ATP13A4: variants seen among roughly 807,000 people sequenced by gnomAD.
ATP13A4 encodes the protein probable cation-transporting ATPase 13A4.
Under a neutral mutation model 142.5 loss-of-function variants are expected in ATP13A4, and 114 were observed. The ratio of observed to expected loss-of-function variants is 0.80; its 90% CI spans 0.69 to 0.93. The LOEUF is 0.93. Ranked by LOEUF, ATP13A4 falls within the 40% of genes least tolerant of loss-of-function variation. The pLI is 0.00. For synonymous variants in ATP13A4, 488 were observed against 514.8 expected (o/e 0.95, Z 0.70); for missense variants, 1,392 against 1,454.0 (o/e 0.96, Z 0.69).
At chr3:193,491,727 T>C (rs190430299) in intron 5 of ATP13A4, among the ~76,000 whole-genome samples, 1 of 152,280 alleles carries the variant, frequency 6.6e-6, no homozygotes, top group Non-Finnish European at 1.5e-5. Context: ...ACTCTGTCTC[T>C]CCTCAATTCC....
rs937502950 is a variant in ATP13A4, at chr3:193,566,953, C to T, written n.291+14754G>A. Among the ~76,000 whole-genome samples, 15 of 152,132 alleles carry T rather than the reference C, an allele frequency of 9.9e-5. 1 individual carries two copies. Among genetic ancestry groups the T allele is most frequent in the African/African-American group, 3.1e-4 (13 of 41,410 alleles). ...GCCATGAACCAAACACTGTTGTTAA[C>T]TCATCTTATTTTCCTATCTTCAACT... On this transcript the variant is annotated intron_variant and non_coding_transcript_variant, in intron 2 of 3. Transcript: ENST00000489140.
intron 17 of ATP13A4, among the ~76,000 whole-genome samples, chr3:193,452,830 T>C (rs1717363483): frequency 1.3e-5 from 2 of 150,674 alleles, no homozygotes; most frequent in Admixed American, 1.3e-4. Context: ...AAATTGTTTA[T>C]TAAAATTTTC....
intron 28 of ATP13A4, among the ~76,000 whole-genome samples, chr3:193,410,225 C>T (rs1182616903): frequency 1.3e-5 from 2 of 150,900 alleles, no homozygotes; most frequent in African/African-American, 4.9e-5. Context: ...GTGAGTTTTA[C>T]AGACATTAAG....
intron 1 of ATP13A4, among the ~76,000 whole-genome samples, chr3:193,540,039 T>C (rs1722801546): frequency 6.6e-6 from 1 of 152,150 alleles, no homozygotes; most frequent in Non-Finnish European, 1.5e-5. Flanking sequence ...AAGCTTTTAT[T>C]AAAGAACGAG....
intron 1 of ATP13A4, among the ~76,000 whole-genome samples, chr3:193,546,676 GT>G (rs906321610): frequency 6.6e-6 from 1 of 152,164 alleles, no homozygotes; most frequent in Non-Finnish European, 1.5e-5. Context: ...ACACCCTAAT[GT>G]TTTTTCTACC....
chr3:193,422,630 C>T (rs918036078), intron 25 of ATP13A4, among the ~76,000 whole-genome samples: 17 of 149,198 alleles, frequency 1.1e-4, no homozygotes, highest in African/African-American at 3.7e-4. Context: ...ACTGAACAAC[C>T]AATGAGTCAA....
intron 2 of ATP13A4, among the ~76,000 whole-genome samples, chr3:193,566,423 T>C (rs1478973968): frequency 1.3e-5 from 2 of 152,168 alleles, no homozygotes; most frequent in Admixed American, 6.5e-5. Flanking sequence ...AGTGACCTAT[T>C]GGCCCTATAT....
chr3:193,432,091 G>A (rs1716010470), intron 25 of ATP13A4, among the ~76,000 whole-genome samples: 1 of 144,384 alleles, frequency 6.9e-6, no homozygotes, highest in Non-Finnish European at 1.5e-5. Flanking sequence ...TGTATTATAT[G>A]CCATCATTGG....
rs1576924781 is a variant in ATP13A4, at chr3:193,400,204, T to C, written c.*2448A>G. Among the ~76,000 whole-genome samples, 2 of 152,222 alleles carry C rather than the reference T, an allele frequency of 1.3e-5. No individual in the cohort carries two copies. The highest frequency in any genetic ancestry group is 3.8e-4 in the East Asian group (2 of 5,198). On this transcript the variant is annotated 3_prime_UTR_variant, in exon 30 of 30. Transcript: ENST00000342695. ...TTTTCTTTCCAGGCTGGGCACTCCC[T>C]GTTCCTTCAATTACTGCTTCTAAGA...
chr3:193,520,209 G>A (rs1721646471), intron 1 of ATP13A4, among the ~76,000 whole-genome samples: 1 of 152,132 alleles, frequency 6.6e-6, no homozygotes, highest in Non-Finnish European at 1.5e-5. Context: ...TGAAGGGCAA[G>A]AGAGAAGGAG....
chr3:193,576,456 A>G (rs1724398791), intron 2 of ATP13A4, among the ~76,000 whole-genome samples: 1 of 149,862 alleles, frequency 6.7e-6, no homozygotes, highest in African/African-American at 2.5e-5. Context: ...TATTTTTAGT[A>G]GAGACGGGGT....
chr3:193,433,002 T>C (rs933578735), intron 25 of ATP13A4, among the ~76,000 whole-genome samples: 3 of 152,202 alleles, frequency 2.0e-5, no homozygotes, highest in African/African-American at 7.2e-5. Context: ...TAATTGTTTC[T>C]CACGAAATGC....
At chr3:193,475,667 CA>C in intron 8 of ATP13A4, among the ~76,000 whole-genome samples, 1 of 151,924 alleles carries the variant, frequency 6.6e-6, no homozygotes, top group East Asian at 1.9e-4. Flanking sequence ...TATATCTATA[CA>C]AAATAATACA....
At chr3:193,458,797 C>T in intron 14 of ATP13A4, 1 of 598,794 alleles carries the variant, frequency 1.7e-6, no homozygotes, top group Non-Finnish European at 3.0e-6. Context: ...ATAATAAGTA[C>T]AATTATATTA....
At chr3:193,411,968 G>A (rs1198729286) in intron 27 of ATP13A4, among the ~76,000 whole-genome samples, 1 of 152,220 alleles carries the variant, frequency 6.6e-6, no homozygotes, top group Non-Finnish European at 1.5e-5. Context: ...AGGAAAGGGA[G>A]AAAGAAGCCC....
At chr3:193,404,471 G>A (rs1365662703) in intron 29 of ATP13A4, among the ~76,000 whole-genome samples, 2 of 152,140 alleles carry the variant, frequency 1.3e-5, no homozygotes, top group African/African-American at 2.4e-5. Context: ...TCCAAATCTC[G>A]TGCTGAAATA....
chr3:193,563,091 T>C (rs1724053352), intron 2 of ATP13A4, among the ~76,000 whole-genome samples: 1 of 152,118 alleles, frequency 6.6e-6, no homozygotes, highest in Non-Finnish European at 1.5e-5. Context: ...TTATAAGACA[T>C]TTTTTAGGGA....
chr3:193,569,621 G>A (rs9869967), intron 2 of ATP13A4, among the ~76,000 whole-genome samples: 48,645 of 151,450 alleles, frequency 0.32, 8,082 homozygotes, highest in African/African-American at 0.39. Flanking sequence ...TCAACCTCCC[G>A]GGCTCAAGCA....
At chr3:193,529,619 C>G (rs368560377) in intron 1 of ATP13A4, among the ~76,000 whole-genome samples, 4,202 of 151,732 alleles carry the variant, frequency 0.028, 59 homozygotes, top group East Asian at 0.033. Flanking sequence ...ACCAATTTCA[C>G]ATGTTACACA....
Sources: gnomAD v4.1 joint callset for allele counts (sites outside exome capture counted in the v4.1 genomes callset) on GRCh38, gnomAD v4.1.1 for gene constraint, MANE v1.5 for transcripts, NCBI Gene and HGNC (gene_info 2026-07-23, HGNC 2026-07-21) for gene names.